The following FHIT variants were observed in gnomAD, a reference collection of about 807,000 sequenced individuals.
The protein encoded by FHIT is fragile histidine triad diadenosine triphosphatase.
FHIT carries 19 observed loss-of-function variants against 17.9 expected under a neutral mutation model. The observed-to-expected ratio is 1.06, with a 90% CI of 0.74 to 1.56. The LOEUF is 1.56. FHIT is among the 40% of genes most tolerant of loss of function. The pLI is 0.00. For synonymous variants in FHIT, 81 were observed against 69.7 expected (o/e 1.16, Z -0.81); for missense variants, 248 against 189.2 (o/e 1.31, Z -1.82).
intron 7 of FHIT, among the ~76,000 whole-genome samples, chr3:59,933,343 C>A (rs1437987756): frequency 2.0e-5 from 3 of 152,104 alleles, no homozygotes; most frequent in African/African-American, 7.2e-5. Flanking sequence ...ATCCACCCAC[C>A]ATTTTTAAGT....
chr3:60,590,453 G>T (rs1553663816), intron 4 of FHIT, among the ~76,000 whole-genome samples: 4 of 152,040 alleles, frequency 2.6e-5, no homozygotes, highest in Non-Finnish European at 5.9e-5. Flanking sequence ...TGTTATTGAT[G>T]TATTGTTTAT....
chr3:60,753,100 T>C (rs1371133214), intron 4 of FHIT, among the ~76,000 whole-genome samples: 2 of 152,126 alleles, frequency 1.3e-5, no homozygotes, highest in Non-Finnish European at 2.9e-5. Context: ...TCTGGGACAG[T>C]TCTTGAATAT....
chr3:60,332,749 G>C (rs920731828), intron 5 of FHIT, among the ~76,000 whole-genome samples: 1 of 152,024 alleles, frequency 6.6e-6, no homozygotes, highest in Non-Finnish European at 1.5e-5. Context: ...TCCCTTCCTT[G>C]ATTTCCCCCA....
intron 8 of FHIT, among the ~76,000 whole-genome samples, chr3:59,865,711 T>G (rs765423978): frequency 1.8e-4 from 27 of 152,210 alleles, no homozygotes; most frequent in Non-Finnish European, 3.2e-4. Context: ...GAGAAAGTCT[T>G]GATTCACAGT....
chr3:60,252,081 T>A (rs767429251), intron 5 of FHIT, among the ~76,000 whole-genome samples: 29 of 152,200 alleles, frequency 1.9e-4, no homozygotes, highest in Non-Finnish European at 3.5e-4. Flanking sequence ...AACTTAATCA[T>A]TGGCTGTATG....
intron 4 of FHIT, among the ~76,000 whole-genome samples, chr3:60,645,096 C>T (rs2039822655): frequency 6.6e-6 from 1 of 152,112 alleles, no homozygotes; most frequent in Non-Finnish European, 1.5e-5. Flanking sequence ...CCCAGGTCAT[C>T]TAGGCATCTG....
intron 5 of FHIT, among the ~76,000 whole-genome samples, chr3:60,320,166 C>T (rs1426618764): frequency 1.3e-5 from 2 of 152,200 alleles, no homozygotes; most frequent in African/African-American, 2.4e-5. Context: ...CGTTGACACT[C>T]TTACGTTGTT....
intron 5 of FHIT, among the ~76,000 whole-genome samples, chr3:60,149,085 C>T (rs547898654): frequency 1.3e-5 from 2 of 152,184 alleles, no homozygotes; most frequent in African/African-American, 2.4e-5. Flanking sequence ...TAACCCTTCT[C>T]GAAACCAGCT....
At chr3:60,444,307 C>G (rs4428132) in intron 5 of FHIT, among the ~76,000 whole-genome samples, 3 of 152,206 alleles carry the variant, frequency 2.0e-5, no homozygotes, top group African/African-American at 7.2e-5. Context: ...GGATCTAGAA[C>G]TAGAAATACC....
intron 7 of FHIT, among the ~76,000 whole-genome samples, chr3:60,007,760 T>C (rs866298493): frequency 6.6e-6 from 1 of 152,134 alleles, no homozygotes; most frequent in South Asian, 2.1e-4. Context: ...TTGATGGTAA[T>C]AAATTGGGGA....
At chr3:60,347,527 C>G (rs1228495351) in intron 5 of FHIT, among the ~76,000 whole-genome samples, 1 of 152,092 alleles carries the variant, frequency 6.6e-6, no homozygotes. Flanking sequence ...GTAACACTCT[C>G]ACATCAATAG....
intron 4 of FHIT, chr3:60,732,683 GCT>G: frequency 2.1e-5 from 4 of 193,148 alleles, no homozygotes; most frequent in South Asian, 4.8e-5. Context: ...TGCAAAGACT[GCT>G]TTTTTTTTTT....
chr3:60,183,054 G>C (rs1350155190), intron 5 of FHIT, among the ~76,000 whole-genome samples: 2 of 152,078 alleles, frequency 1.3e-5, no homozygotes, highest in African/African-American at 4.8e-5. Context: ...GACATCTTCT[G>C]AATAAAGTAT....
intron 8 of FHIT, among the ~76,000 whole-genome samples, chr3:59,860,946 T>A (rs1338765562): frequency 6.6e-6 from 1 of 152,054 alleles, no homozygotes; most frequent in Non-Finnish European, 1.5e-5. Context: ...ACCCGAAAGA[T>A]CTCTTTTTTT....
intron 5 of FHIT, among the ~76,000 whole-genome samples, chr3:60,191,334 G>A (rs1702395033): frequency 6.6e-6 from 1 of 152,162 alleles, no homozygotes; most frequent in Non-Finnish European, 1.5e-5. Flanking sequence ...AGTATTTTCT[G>A]CTTTAATAAC....
chr3:60,342,773 T>C (rs2106907909), intron 5 of FHIT, among the ~76,000 whole-genome samples: 1 of 152,314 alleles, frequency 6.6e-6, no homozygotes, highest in Non-Finnish European at 1.5e-5. Context: ...TTGAGAATTA[T>C]AAAGAGTGAT....
chr3:61,030,931 G>A (rs2032981707), intron 3 of FHIT, among the ~76,000 whole-genome samples: 1 of 152,096 alleles, frequency 6.6e-6, no homozygotes, highest in Non-Finnish European at 1.5e-5. Flanking sequence ...AGGGGAGAAG[G>A]CAAGTAAAAT....
At chr3:59,864,644 G>C (rs1052427076) in intron 8 of FHIT, among the ~76,000 whole-genome samples, 1 of 151,422 alleles carries the variant, frequency 6.6e-6, no homozygotes, top group Non-Finnish European at 1.5e-5. Context: ...AGGTTAACAC[G>C]ACTTGCAGTT....
chr3:61,211,468 G>T (rs1482476480), intron 1 of FHIT, among the ~76,000 whole-genome samples: 1 of 152,242 alleles, frequency 6.6e-6, no homozygotes, highest in Non-Finnish European at 1.5e-5. Context: ...GCCCGCCATT[G>T]CCCAGGCTTG....
Sources: allele counts gnomAD v4.1 joint callset (sites outside exome capture counted in the v4.1 genomes callset), GRCh38; gene constraint gnomAD v4.1.1; transcripts MANE v1.5; gene names NCBI Gene and HGNC (gene_info 2026-07-23, HGNC 2026-07-21).